PABPC4L: variants seen among roughly 807,000 people sequenced by gnomAD.
The protein encoded by PABPC4L is polyadenylate-binding protein 4-like.
For missense variants in PABPC4L, 452 were observed against 451.4 expected (o/e 1.00, Z -0.01); for synonymous variants, 169 against 164.1 (o/e 1.03, Z -0.23).
chr4:134,171,732 T>C, the PABPC4L span, among the ~76,000 whole-genome samples: 1 of 152,130 alleles, frequency 6.6e-6, no homozygotes, highest in Non-Finnish European at 1.5e-5. Context: ...ACTGTCTTTG[T>C]TTGCAGATTA....
At chr4:134,127,547 A>G in the PABPC4L span, among the ~76,000 whole-genome samples, 1 of 152,004 alleles carries the variant, frequency 6.6e-6, no homozygotes, top group Non-Finnish European at 1.5e-5. Context: ...TCCAGAAGAG[A>G]AGTAACAATC....
At chr4:134,111,514 T>C in the PABPC4L span, among the ~76,000 whole-genome samples, 10 of 152,040 alleles carry the variant, frequency 6.6e-5, no homozygotes, top group South Asian at 2.1e-3. Flanking sequence ...CATACACACA[T>C]ATAGACTTCT....
At chr4:133,993,142 T>C in the PABPC4L span, among the ~76,000 whole-genome samples, 1 of 152,182 alleles carries the variant, frequency 6.6e-6, no homozygotes, top group Non-Finnish European at 1.5e-5. Flanking sequence ...TGTTTTTCTA[T>C]AGCTGATTGA....
the PABPC4L span, among the ~76,000 whole-genome samples, chr4:134,026,418 T>A: frequency 1.3e-5 from 2 of 152,054 alleles, no homozygotes; most frequent in Non-Finnish European, 1.5e-5. Context: ...GTATTTTTTT[T>A]AGTAGAGATG....
At chr4:134,086,916 A>C in the PABPC4L span, among the ~76,000 whole-genome samples, 2 of 151,862 alleles carry the variant, frequency 1.3e-5, no homozygotes, top group African/African-American at 2.4e-5. Context: ...CTCATCATCT[A>C]GCATTAGGAA....
At chr4:134,019,333 T>A in the PABPC4L span, among the ~76,000 whole-genome samples, 1 of 152,154 alleles carries the variant, frequency 6.6e-6, no homozygotes, top group African/African-American at 2.4e-5. Flanking sequence ...TAACTGAAAT[T>A]GCTGAATTCC....
chr4:134,137,317 A>G, the PABPC4L span, among the ~76,000 whole-genome samples: 2 of 151,970 alleles, frequency 1.3e-5, no homozygotes, highest in Admixed American at 6.6e-5. Flanking sequence ...ACTCAATTCT[A>G]TATTACCAAG....
chr4:134,041,745 A>G, the PABPC4L span, among the ~76,000 whole-genome samples: 13 of 152,148 alleles, frequency 8.5e-5, no homozygotes, highest in South Asian at 2.1e-4. Context: ...GCCCAGTCAG[A>G]ATGTTCATTA....
chr4:133,966,796 G>A, the PABPC4L span, among the ~76,000 whole-genome samples: 1 of 152,114 alleles, frequency 6.6e-6, no homozygotes, highest in East Asian at 1.9e-4. Context: ...ATGGACTTTG[G>A]GGACTTGGGG....
the PABPC4L span, among the ~76,000 whole-genome samples, chr4:134,090,886 A>C: frequency 2.6e-5 from 4 of 151,888 alleles, no homozygotes; most frequent in African/African-American, 9.7e-5. Context: ...CTGTTTCTGG[A>C]TTTTCTATTG....
the PABPC4L span, among the ~76,000 whole-genome samples, chr4:134,015,321 A>G: frequency 6.6e-6 from 1 of 152,046 alleles, no homozygotes; most frequent in African/African-American, 2.4e-5. Context: ...CTTATCAACA[A>G]AATTGTTTTG....
At chr4:134,158,197 A>G in the PABPC4L span, among the ~76,000 whole-genome samples, 1 of 151,960 alleles carries the variant, frequency 6.6e-6, no homozygotes, top group African/African-American at 2.4e-5. Flanking sequence ...TTATCAGTAA[A>G]TAGTGAAGTG....
At chr4:134,033,209 T>A in the PABPC4L span, among the ~76,000 whole-genome samples, 1 of 151,770 alleles carries the variant, frequency 6.6e-6, no homozygotes. Context: ...ATTACAATTG[T>A]AACTGTTCTG....
the PABPC4L span, among the ~76,000 whole-genome samples, chr4:134,138,130 T>A: frequency 6.6e-6 from 1 of 151,818 alleles, no homozygotes; most frequent in South Asian, 2.1e-4. Flanking sequence ...AAAGTCTGCA[T>A]CTTTAAAAAA....
the PABPC4L span, among the ~76,000 whole-genome samples, chr4:133,977,544 A>C: frequency 6.6e-6 from 1 of 152,146 alleles, no homozygotes; most frequent in African/African-American, 2.4e-5. Flanking sequence ...ATCCATGAGC[A>C]TGGAATGTTT....
At chr4:134,163,547 A>G in the PABPC4L span, among the ~76,000 whole-genome samples, 2 of 152,188 alleles carry the variant, frequency 1.3e-5, no homozygotes, top group Non-Finnish European at 2.9e-5. Context: ...AAGAACATAA[A>G]AAAAGAAAAC....
the PABPC4L span, among the ~76,000 whole-genome samples, chr4:134,103,173 T>C: frequency 6.6e-6 from 1 of 151,590 alleles, no homozygotes; most frequent in Non-Finnish European, 1.5e-5. Context: ...GGTTATTCCA[T>C]ATTTATATCC....
At chr4:134,139,351 G>A in the PABPC4L span, among the ~76,000 whole-genome samples, 1 of 151,874 alleles carries the variant, frequency 6.6e-6, no homozygotes, top group Non-Finnish European at 1.5e-5. Context: ...ATGAAGCAAT[G>A]AAGCATTGTT....
chr4:134,020,812 A>G, the PABPC4L span, among the ~76,000 whole-genome samples: 1 of 152,148 alleles, frequency 6.6e-6, no homozygotes, highest in East Asian at 1.9e-4. Flanking sequence ...TTATAAATAT[A>G]GGTATAGGTA....
Sources: allele counts gnomAD v4.1 joint callset (sites outside exome capture counted in the v4.1 genomes callset), GRCh38; gene constraint gnomAD v4.1.1; transcripts MANE v1.5; gene names NCBI Gene and HGNC (gene_info 2026-07-23, HGNC 2026-07-21).